ZNF425: variants seen among roughly 807,000 people sequenced by gnomAD.
ZNF425 encodes the protein zinc finger protein 425.
Under a neutral mutation model 17.0 loss-of-function variants are expected in ZNF425, and 21 were observed. The ratio of observed to expected loss-of-function variants is 1.23; its 90% confidence interval spans 0.88 to 1.78. The LOEUF (loss-of-function observed/expected upper bound fraction) is 1.78, where lower values mean the gene tolerates loss of function less well. Ranked by LOEUF, ZNF425 falls within the 40% of genes most tolerant of loss-of-function variation. The pLI, the probability that ZNF425 is intolerant of heterozygous loss-of-function variation, is 0.00. For missense variants in ZNF425, 868 were observed against 967.3 expected (o/e 0.90, Z 1.36); for synonymous variants, 433 against 384.1 (o/e 1.13, Z -1.49).
chr7:149,105,376 T>C lies in ZNF425; in HGVS notation c.495A>G (p.Pro165=). 1 of 1,610,050 alleles carries C rather than the reference T, an allele frequency of 6.2e-7. No homozygotes were observed. The highest frequency in any genetic ancestry group is 1.1e-5 in the South Asian group (1 of 90,368). The change falls in exon 4 of 4, where the codon CCA becomes CCG. Residue 165 remains proline (P), a synonymous_variant. Transcript: ENST00000378061. ...GCTTATGCCGCAGGTCTTTCTTGTC[T>C]GGATCATATGCTGTGATGCTGACTT... ...NKKVSITAYD[P]DKKDLRHKPR... is the part of the protein sequence containing the mutation.
chr7:149,108,647 A>C (rs1826121449), intron 3 of ZNF425, among the ~76,000 whole-genome samples: 1 of 152,176 alleles, frequency 6.6e-6, no homozygotes, highest in African/African-American at 2.4e-5. Flanking sequence ...TAATCCCAGC[A>C]CTTTGGGAGG....
chr7:149,115,542 T>C (rs1826250992), intron 2 of ZNF425, among the ~76,000 whole-genome samples: 1 of 151,566 alleles, frequency 6.6e-6, no homozygotes, highest in Non-Finnish European at 1.5e-5. Flanking sequence ...ATATAAAAAT[T>C]AGCCAGGTGT....
chr7:149,118,158 G>A, intron 2 of ZNF425, 64 bp downstream of exon 2: 1 of 1,599,426 alleles, frequency 6.3e-7, no homozygotes, highest in South Asian at 1.1e-5. Context: ...GGCTCATACA[G>A]GGAAGGAAGC....
rs139023142 is a variant in ZNF425, at chr7:149,104,221, G to A, written c.1650C>T (p.Gly550=). The change falls in exon 4 of 4, where the codon GGC becomes GGT. Residue 550 remains glycine (G), a synonymous_variant. Coordinates refer to ENST00000378061, the MANE Select transcript of ZNF425 (RefSeq NM_001001661.3). The surrounding 1 kb of genome is among the most constrained non-coding windows in gnomAD (Gnocchi z 4.3). ...ACTCGGGACACTGGAAGGGCTCCTC[G>A]CCACTGTGAAGCCTCGTGTGCTCTG... ...HLTEHTRLHS[G]EEPFQCPECD... is the part of the protein sequence containing the mutation. 20 of 1,612,148 alleles carry A rather than the reference G, an allele frequency of 1.2e-5. No homozygotes were observed. The highest frequency in any genetic ancestry group is 1.7e-5 in the Admixed American group (1 of 59,916).
At chr7:149,114,015 A>G (rs74428122) in intron 2 of ZNF425, among the ~76,000 whole-genome samples, 2 of 28,570 alleles carry the variant, frequency 7.0e-5, no homozygotes, top group South Asian at 8.5e-3. Flanking sequence ...CTCTGTCTAA[A>G]AAAAAAAAAA....
At chr7:149,125,378 A>C (rs982815680) in intron 1 of ZNF425, among the ~76,000 whole-genome samples, 2 of 152,178 alleles carry the variant, frequency 1.3e-5, no homozygotes, top group African/African-American at 4.8e-5. Context: ...ACAATACTAC[A>C]GCATTTACGG....
At position 149,104,884 on chromosome 7, in the gene ZNF425, G is replaced by A. The variant is rs1371582468; in HGVS notation, c.987C>T (p.Pro329=). The change falls in exon 4 of 4, where the codon CCC becomes CCT. Residue 329 remains proline (P), a synonymous_variant. Coordinates refer to ENST00000378061, the MANE Select transcript of ZNF425 (RefSeq NM_001001661.3). The surrounding 1 kb of genome is among the most constrained non-coding windows in gnomAD (Gnocchi z 4.3). ...EHLRLHSGEK[P]FQCPQCDRCF... ...ACCGGTCACACTGCGGACACTGGAA[G>A]GGCTTCTCTCCGCTGTGCAGCCGCA... is the stretch of plus-strand genomic sequence containing the variant. 6.2e-7 allele frequency: 1 copy of A among 1,613,652 alleles called. No homozygotes were observed. The highest frequency in any genetic ancestry group is 8.5e-7 in the Non-Finnish European group (1 of 1,179,956).
chr7:149,104,432 G>A lies in ZNF425; in HGVS notation c.1439C>T (p.Thr480Met). Residue 480 changes from threonine to methionine, a missense_variant, in exon 4 of 4, where the codon ACG (threonine) becomes ATG (methionine). By Grantham distance (81) the Thr-to-Met change is moderately conservative (BLOSUM62 -1). Around this residue, in one of 5 missense-constraint regions of ZNF425, gnomAD observed 437 missense variants for 444.2 expected, o/e 0.98. Coordinates refer to ENST00000378061, the MANE Select transcript of ZNF425 (RefSeq NM_001001661.3). The surrounding 1 kb of genome is among the most constrained non-coding windows in gnomAD (Gnocchi z 4.3). ...FPCAECGKRF[T>M]RPSKLACHTR... ...GTGGCAGGCGAGCTTGGAAGGCCGCGTGAAGCGCTTGCCGCACTCGGCGCA... is the reference window on the plus strand; with the variant it reads ...GTGGCAGGCGAGCTTGGAAGGCCGCATGAAGCGCTTGCCGCACTCGGCGCA... 6.2e-7 allele frequency: 1 copy of A among 1,600,896 alleles called. No homozygotes were observed. Among genetic ancestry groups the A allele is most frequent in the Non-Finnish European group, 8.5e-7 (1 of 1,174,334 alleles).
chr7:149,115,596 A>C (rs1272498923), intron 2 of ZNF425, among the ~76,000 whole-genome samples: 1 of 151,728 alleles, frequency 6.6e-6, no homozygotes, highest in East Asian at 2.0e-4. Context: ...AGGCTGAGGC[A>C]GGAGAATAGC....
intron 1 of ZNF425, among the ~76,000 whole-genome samples, chr7:149,122,166 C>T (rs1341890740): frequency 6.7e-6 from 1 of 149,924 alleles, no homozygotes; most frequent in Non-Finnish European, 1.5e-5. Context: ...CTCCTGACCT[C>T]GTGATCCGCC....
chr7:149,106,257 A>G (rs1240985676), intron 3 of ZNF425, among the ~76,000 whole-genome samples: 1 of 144,926 alleles, frequency 6.9e-6, no homozygotes, highest in Non-Finnish European at 1.5e-5. Flanking sequence ...CTGGCCTAAA[A>G]TTTTTTGAGA....
intron 1 of ZNF425, among the ~76,000 whole-genome samples, chr7:149,121,961 G>A (rs938221409): frequency 3.3e-5 from 5 of 152,012 alleles, no homozygotes; most frequent in African/African-American, 1.2e-4. Context: ...TGTCACCCAG[G>A]CTGGAGTGCA....
intron 2 of ZNF425, among the ~76,000 whole-genome samples, chr7:149,117,485 A>C (rs184238901): frequency 6.6e-6 from 1 of 152,088 alleles, no homozygotes; most frequent in African/African-American, 2.4e-5. Context: ...ATTCTCACTT[A>C]ATCACTCTGT....
chr7:149,114,126 T>G (rs1826216718), intron 2 of ZNF425, among the ~76,000 whole-genome samples: 1 of 151,956 alleles, frequency 6.6e-6, no homozygotes, highest in East Asian at 1.9e-4. Flanking sequence ...TGGTGTGATC[T>G]TGGCTCACTG....
chr7:149,107,469 C>G (rs1421568394), intron 3 of ZNF425, among the ~76,000 whole-genome samples: 4 of 151,784 alleles, frequency 2.6e-5, no homozygotes, highest in Admixed American at 2.0e-4. Flanking sequence ...TCCTGAGTAG[C>G]TGGGACTACA....
At position 149,104,831 on chromosome 7, in the gene ZNF425, A is replaced by C. The variant is rs770847950; in HGVS notation, c.1040T>G (p.Val347Gly). 1.9e-6 allele frequency: 3 copies of C among 1,613,530 alleles called. No individual in the cohort carries two copies. The highest frequency in any genetic ancestry group is 1.7e-5 in the Admixed American group (1 of 59,964). ...RCFRLKRGMK[V>G]HLTQHSGKRP... is the part of the protein sequence containing the mutation. Reference sequence around the variant, plus strand: ...CTTCCCGCTGTGCTGGGTCAGATGGACCTTCATGCCCCTCTTCAGGCGGAA... The same window carrying C: ...CTTCCCGCTGTGCTGGGTCAGATGGCCCTTCATGCCCCTCTTCAGGCGGAA... The change falls in exon 4 of 4, where the codon GTC (valine) becomes GGC (glycine). Residue 347 changes from valine to glycine, a missense_variant. Transcript: ENST00000378061. This position sits in a 1 kb window ranked among gnomAD's most constrained non-coding sequence, Gnocchi z 4.3.
chr7:149,126,272 C>A lies in ZNF425; in HGVS notation c.-59G>T. On this transcript the variant is annotated 5_prime_UTR_variant, in exon 1 of 4. Transcript: ENST00000378061. ...GGCCTCCCCTCCGCTCCGCCCCAAC[C>A]CAACTCCCAGGTACAGCCCTGCTGG... 3.1e-6 allele frequency: 5 copies of A among 1,590,690 alleles called. No homozygotes were observed. In the Admixed American group the frequency reaches 7.1e-5, roughly 22 times the overall value.
chr7:149,112,048 T>G, intron 3 of ZNF425, 89 bp downstream of exon 3: 1 of 1,365,038 alleles, frequency 7.3e-7, no homozygotes, highest in Middle Eastern at 1.9e-4. Flanking sequence ...TTTTATTGAC[T>G]AGATCTAGTC....
chr7:149,103,924 T>C lies in ZNF425; in HGVS notation c.1947A>G (p.Gln649=). 2 of 1,613,926 alleles carry C rather than the reference T, an allele frequency of 1.2e-6. No homozygotes were observed. The highest frequency in any genetic ancestry group is 1.7e-6 in the Non-Finnish European group (2 of 1,179,978). The change falls in exon 4 of 4, where the codon CAA becomes CAG. Residue 649 remains glutamine, a synonymous_variant. Transcript: ENST00000378061. ...GAATGTGTTCTGTGAGCCGGTACTG[T>C]TGAGTGAAACTTTTGCCGCACATCA... ...SCVMCGKSFT[Q]QYRLTEHIRV...
Sources: gnomAD v4.1 joint callset for allele counts (sites outside exome capture counted in the v4.1 genomes callset) on GRCh38, gnomAD v4.1.1 for gene constraint, gnomAD v4.1.1 regional missense constraint, Gnocchi (gnomAD v3.1) non-coding constraint, MANE v1.5 for transcripts, NCBI Gene and HGNC (gene_info 2026-07-23, HGNC 2026-07-21) for gene names.